The following RALGPS1 variants were observed in gnomAD, a reference collection of about 807,000 sequenced individuals.
RALGPS1 encodes Ral GEF with PH domain and SH3 binding motif 1, also known as ras-specific guanine nucleotide-releasing factor RalGPS1.
A neutral mutation model predicts 78.8 loss-of-function variants in RALGPS1; 19 were observed. The ratio of observed to expected loss-of-function variants is 0.24; its 90% CI spans 0.17 to 0.35. RALGPS1 has a LOEUF of 0.35. Ranked by LOEUF, RALGPS1 falls within the 10% of genes least tolerant of loss-of-function variation. The pLI, the probability that RALGPS1 is intolerant of heterozygous loss-of-function variation, is 1.00. For synonymous variants in RALGPS1, 228 were observed against 256.3 expected (o/e 0.89, Z 1.06); for missense variants, 454 against 688.3 (o/e 0.66, Z 3.81).
intron 8 of RALGPS1, among the ~76,000 whole-genome samples, chr9:127,070,241 G>A (rs1304331958): frequency 6.6e-6 from 1 of 152,208 alleles, no homozygotes; most frequent in Non-Finnish European, 1.5e-5. Context: ...ACAGTGGGTG[G>A]AGCTCAGGCA....
chr9:127,022,433 G>A (rs1207178557), intron 4 of RALGPS1, among the ~76,000 whole-genome samples: 1 of 151,798 alleles, frequency 6.6e-6, no homozygotes, highest in Non-Finnish European at 1.5e-5. Context: ...TGGCATCAGG[G>A]CAATACAGCC....
At chr9:127,143,015 C>G (rs949234745) in intron 8 of RALGPS1, among the ~76,000 whole-genome samples, 1 of 152,128 alleles carries the variant, frequency 6.6e-6, no homozygotes, top group African/African-American at 2.4e-5. Context: ...ACTTAAAATT[C>G]CACTATTCCA....
chr9:127,157,901 A>T (rs1274143121), intron 8 of RALGPS1, among the ~76,000 whole-genome samples: 1 of 152,124 alleles, frequency 6.6e-6, no homozygotes, highest in African/African-American at 2.4e-5. Flanking sequence ...GTTCCTATTT[A>T]ATAGGATTTC....
chr9:126,967,849 A>G (rs1432152397), intron 3 of RALGPS1, among the ~76,000 whole-genome samples: 1 of 152,060 alleles, frequency 6.6e-6, no homozygotes, highest in African/African-American at 2.4e-5. Context: ...ATATAATAAT[A>G]AATTTAAATT....
intron 8 of RALGPS1, among the ~76,000 whole-genome samples, chr9:127,118,324 A>ATCTTTTGT (rs2055663428): frequency 6.6e-6 from 1 of 152,220 alleles, no homozygotes. Flanking sequence ...TGTCATAGAA[A>ATCTTTTGT]CTACCCCCAG....
At chr9:127,169,288 C>G (rs552226741) in intron 10 of RALGPS1, among the ~76,000 whole-genome samples, 1 of 152,288 alleles carries the variant, frequency 6.6e-6, no homozygotes, top group African/African-American at 2.4e-5. Context: ...GTATTCAAGG[C>G]CCTACCTCCT....
chr9:127,201,391 G>A (rs546844622), intron 14 of RALGPS1, among the ~76,000 whole-genome samples: 4 of 152,196 alleles, frequency 2.6e-5, no homozygotes, highest in South Asian at 2.1e-4. Context: ...GTGGGCCTGC[G>A]ATGTCTCCCC....
At position 126,948,264 on chromosome 9, in the gene RALGPS1, C is replaced by T. The variant is rs182892787; in HGVS notation, c.-65-13961C>T. On this transcript the variant is annotated intron_variant, in intron 1 of 18. Transcript: ENST00000259351. ...GGCGCAGTGGCTCATGCCTGTAATC[C>T]CAACACTTTGGGAGGCCGAGGTGGG... Among the ~76,000 whole-genome samples, 24 of 152,220 alleles carry T rather than the reference C, an allele frequency of 1.6e-4. No homozygotes were observed. In the East Asian group the frequency reaches 4.1e-3, roughly 26 times the overall value.
chr9:126,932,601 G>A (rs560207821), intron 1 of RALGPS1, among the ~76,000 whole-genome samples: 3 of 152,140 alleles, frequency 2.0e-5, no homozygotes, highest in Admixed American at 6.5e-5. Flanking sequence ...AAAACAATCC[G>A]ATGAATTTCA....
intron 3 of RALGPS1, among the ~76,000 whole-genome samples, chr9:126,970,115 T>C (rs1377669585): frequency 1.3e-5 from 2 of 152,120 alleles, no homozygotes; most frequent in African/African-American, 4.8e-5. Context: ...ATTTTTAAAT[T>C]CTCTCTTAAT....
At chr9:127,150,640 C>G (rs1767251528) in intron 8 of RALGPS1, among the ~76,000 whole-genome samples, 1 of 152,212 alleles carries the variant, frequency 6.6e-6, no homozygotes, top group African/African-American at 2.4e-5. Flanking sequence ...ATCCTCGTCC[C>G]CATCTCAAAC....
At chr9:127,181,027 G>A (rs1050804105) in intron 11 of RALGPS1, among the ~76,000 whole-genome samples, 12 of 152,382 alleles carry the variant, frequency 7.9e-5, no homozygotes, top group Middle Eastern at 3.4e-3. Flanking sequence ...AAGGAGAGCA[G>A]GGTAGAACCT....
At chr9:127,175,388 G>C (rs1276018506) in intron 11 of RALGPS1, among the ~76,000 whole-genome samples, 1 of 152,212 alleles carries the variant, frequency 6.6e-6, no homozygotes, top group African/African-American at 2.4e-5. Flanking sequence ...TGATGCCTGA[G>C]TAAGCTCATG....
intron 8 of RALGPS1, among the ~76,000 whole-genome samples, chr9:127,072,139 G>A (rs1165762592): frequency 1.3e-5 from 2 of 152,214 alleles, no homozygotes; most frequent in Non-Finnish European, 2.9e-5. Flanking sequence ...GTTCATCCAT[G>A]CTAGAGCATG....
intron 1 of RALGPS1, among the ~76,000 whole-genome samples, chr9:126,919,582 A>G (rs1252772472): frequency 6.6e-6 from 1 of 152,226 alleles, no homozygotes; most frequent in Non-Finnish European, 1.5e-5. Context: ...TGTAAAATAG[A>G]TAATGATAAT....
intron 1 of RALGPS1, among the ~76,000 whole-genome samples, chr9:126,923,817 C>T (rs1011745893): frequency 6.6e-6 from 1 of 152,228 alleles, no homozygotes; most frequent in Admixed American, 6.5e-5. Flanking sequence ...AGTGCCACTA[C>T]ACCTGGCTGA....
intron 13 of RALGPS1, among the ~76,000 whole-genome samples, chr9:127,197,154 C>T (rs1215495932): frequency 1.3e-5 from 2 of 152,200 alleles, no homozygotes; most frequent in East Asian, 1.9e-4. Flanking sequence ...GTCAGCCAGA[C>T]GTGGTGCTTA....
At chr9:127,047,563 G>A (rs765872967) in intron 5 of RALGPS1, among the ~76,000 whole-genome samples, 2 of 152,110 alleles carry the variant, frequency 1.3e-5, no homozygotes, top group Non-Finnish European at 2.9e-5. Flanking sequence ...GCCAGGTGTG[G>A]TGGTGCATGC....
chr9:127,108,573 C>T (rs767486774), intron 8 of RALGPS1: 2 of 1,613,580 alleles, frequency 1.2e-6, no homozygotes, highest in East Asian at 2.2e-5. Context: ...TGTAGGTGCA[C>T]TTGTCCTGGG....
Sources: allele counts gnomAD v4.1 joint callset (sites outside exome capture counted in the v4.1 genomes callset), GRCh38; gene constraint gnomAD v4.1.1; transcripts MANE v1.5; gene names NCBI Gene and HGNC (gene_info 2026-07-23, HGNC 2026-07-21).